The following NCAM1 variants were observed in gnomAD, a reference collection of about 807,000 sequenced individuals.
NCAM1 encodes antigen recognized by monoclonal antibody 5.1H11.
In NCAM1, 14 loss-of-function variants were observed where a neutral mutation model predicts 109.8. That is an observed-to-expected ratio of 0.13 (90% CI 0.08 to 0.20). NCAM1 has a LOEUF of 0.20. NCAM1 is among the 10% of genes least tolerant of loss of function. The probability of loss-of-function intolerance (pLI) is 1.00; values close to 1 mark genes in which losing one functional copy is unlikely to be tolerated. For synonymous variants in NCAM1, 418 were observed against 442.9 expected (o/e 0.94, Z 0.70); for missense variants, 774 against 1,109.9 (o/e 0.70, Z 4.30).
At chr11:113,244,178 A>G (rs1555119701) in intron 14 of NCAM1, among the ~76,000 whole-genome samples, 2 of 152,176 alleles carry the variant, frequency 1.3e-5, no homozygotes, top group African/African-American at 4.8e-5. Flanking sequence ...CAGTAGGAGA[A>G]AGCTACATAA....
rs782641265 is a variant in NCAM1 at position 113,204,301 on chromosome 11, A to C, written c.143A>C (p.Lys48Thr). ...FFLCQVAGDA[K>T]DKDISWFSPN... ...TCCTCTTTAGTGGCAGGAGATGCCAAAGATAAAGACATCTCCTGGTTCTCC... is the reference window on the plus strand; with the variant it reads ...TCCTCTTTAGTGGCAGGAGATGCCACAGATAAAGACATCTCCTGGTTCTCC... Residue 48 changes from lysine (K) to threonine (T), a missense_variant, in exon 3 of 20, where the codon AAA becomes ACA. Physicochemically the swap from Lys to Thr is moderately conservative, Grantham distance 78. Transcript: ENST00000316851. 1 of 1,612,052 alleles carries C rather than the reference A, an allele frequency of 6.2e-7. No homozygotes were observed. The highest frequency in any genetic ancestry group is 8.5e-7 in the Non-Finnish European group (1 of 1,179,084).
intron 1 of NCAM1, among the ~76,000 whole-genome samples, chr11:113,018,645 A>T (rs958945197): frequency 2.0e-5 from 3 of 152,138 alleles, no homozygotes; most frequent in African/African-American, 7.2e-5. Context: ...ATAAACTTGA[A>T]ATATTTGGCT....
At chr11:112,992,500 T>C (rs1277765110) in intron 1 of NCAM1, among the ~76,000 whole-genome samples, 1 of 151,264 alleles carries the variant, frequency 6.6e-6, no homozygotes, top group Non-Finnish European at 1.5e-5. Flanking sequence ...ACTCTTTTTT[T>C]TTCTTTTTTT....
intron 1 of NCAM1, among the ~76,000 whole-genome samples, chr11:113,095,312 A>ATGTGTGTGTG (rs1264157371): frequency 1.4e-5 from 2 of 140,148 alleles, no homozygotes; most frequent in African/African-American, 2.7e-5. Flanking sequence ...CTGTAATAGA[A>ATGTGTGTGTG]TGCGTGTGTG....
intron 1 of NCAM1, among the ~76,000 whole-genome samples, chr11:113,181,380 T>C (rs368916029): frequency 4.6e-5 from 7 of 152,260 alleles, no homozygotes; most frequent in African/African-American, 1.7e-4. Context: ...TGAGTGTCAG[T>C]AGGCTAACAA....
At chr11:113,140,554 A>C (rs560459824) in intron 1 of NCAM1, among the ~76,000 whole-genome samples, 1 of 152,152 alleles carries the variant, frequency 6.6e-6, no homozygotes, top group Admixed American at 6.5e-5. Flanking sequence ...TATAACATGC[A>C]TTGCTTCGGA....
chr11:113,205,550 C>G lies in NCAM1; in HGVS notation c.374C>G (p.Thr125Ser). The G allele has an allele frequency of 6.2e-7, 1 of 1,613,470 alleles. No homozygotes were observed. The highest frequency in any genetic ancestry group is 8.5e-7 in the Non-Finnish European group (1 of 1,179,666). Residue 125 changes from threonine to serine, a missense_variant, in exon 4 of 20, where the codon ACC becomes AGC. Thr to Ser is a moderately conservative substitution (Grantham distance 58). Transcript: ENST00000316851. ...AAGCTCATGTTCAAGAATGCGCCAACCCCACAGGAGTTCCGGGAGGGGGAA... is the reference window on the plus strand; with the variant it reads ...AAGCTCATGTTCAAGAATGCGCCAAGCCCACAGGAGTTCCGGGAGGGGGAA... ...FQKLMFKNAP[T>S]PQEFREGEDA...
intron 1 of NCAM1, among the ~76,000 whole-genome samples, chr11:113,134,615 T>G (rs146087114): frequency 5.5e-4 from 83 of 152,248 alleles, no homozygotes; most frequent in African/African-American, 1.8e-3. Context: ...GCTGTCAGGT[T>G]CCTATTCCCT....
intron 1 of NCAM1, among the ~76,000 whole-genome samples, chr11:113,033,490 C>T (rs550988769): frequency 6.6e-6 from 1 of 152,196 alleles, no homozygotes; most frequent in South Asian, 2.1e-4. Context: ...TACTTTTAAT[C>T]CTAAATTAGA....
At chr11:113,075,191 C>G (rs1938474433) in intron 1 of NCAM1, among the ~76,000 whole-genome samples, 1 of 152,036 alleles carries the variant, frequency 6.6e-6, no homozygotes, top group Non-Finnish European at 1.5e-5. Context: ...CTCAGCCTCC[C>G]CAGTAGCTGG....
At chr11:113,265,754 C>A (rs1481847461) in intron 17 of NCAM1, among the ~76,000 whole-genome samples, 3 of 152,186 alleles carry the variant, frequency 2.0e-5, no homozygotes, top group African/African-American at 7.2e-5. Flanking sequence ...TTCCAAGAGT[C>A]TGACCATCTT....
At chr11:113,050,933 C>T (rs532557580) in intron 1 of NCAM1, among the ~76,000 whole-genome samples, 8 of 152,164 alleles carry the variant, frequency 5.3e-5, no homozygotes, top group Admixed American at 2.0e-4. Flanking sequence ...CCATCTTATA[C>T]GCATGCTGTA....
chr11:113,237,107 C>G (rs1256180666), intron 14 of NCAM1, among the ~76,000 whole-genome samples: 1 of 152,154 alleles, frequency 6.6e-6, no homozygotes, highest in Non-Finnish European at 1.5e-5. Flanking sequence ...CACCCTTCAT[C>G]ATGTAAGCTG....
chr11:113,231,367 G>C, intron 9 of NCAM1: 3 of 1,384,994 alleles, frequency 2.2e-6, no homozygotes, highest in Non-Finnish European at 3.0e-6. Flanking sequence ...GGGGGACCTA[G>C]CCCCAAACCA....
At chr11:113,261,139 G>A (rs1477533726) in intron 17 of NCAM1, among the ~76,000 whole-genome samples, 1 of 152,094 alleles carries the variant, frequency 6.6e-6, no homozygotes, top group Non-Finnish European at 1.5e-5. Context: ...CTGTTGGGGG[G>A]CCCCATAGAC....
intron 15 of NCAM1, among the ~76,000 whole-genome samples, chr11:113,252,201 C>G (rs183975633): frequency 6.6e-6 from 1 of 152,180 alleles, no homozygotes; most frequent in Admixed American, 6.5e-5. Context: ...ATAGCTTGAG[C>G]CTAGAAGTTC....
At chr11:113,035,013 A>G (rs529582516) in intron 1 of NCAM1, among the ~76,000 whole-genome samples, 1 of 152,336 alleles carries the variant, frequency 6.6e-6, no homozygotes, top group South Asian at 2.1e-4. Flanking sequence ...AAGGCAATAT[A>G]ATAATACAAC....
rs1555103558 is a variant in NCAM1, at chr11:113,157,136, G to GACAGACACACACACAC, written c.53-45240_53-45239insGACACACACACACACA. 1.7e-3 allele frequency among the ~76,000 whole-genome samples: 252 copies of GACAGACACACACACAC among 146,970 alleles called. 2 individuals carry two copies. The highest frequency in any genetic ancestry group is 6.0e-3 in the African/African-American group (243 of 40,248). ...TTAAAGACAAAAGGTGTTTCCCTGA[G>GACAGACACACACACAC]ACACACACACACACACACACACACA... On this transcript the variant is annotated intron_variant, in intron 1 of 19. Coordinates refer to ENST00000316851, the MANE Select transcript of NCAM1 (RefSeq NM_181351.5).
At chr11:113,053,123 G>A (rs1555082064) in intron 1 of NCAM1, among the ~76,000 whole-genome samples, 1 of 152,118 alleles carries the variant, frequency 6.6e-6, no homozygotes, top group South Asian at 2.1e-4. Context: ...GCTCCCACTT[G>A]TTCAGCTCTC....
Sources: allele counts gnomAD v4.1 joint callset (sites outside exome capture counted in the v4.1 genomes callset), GRCh38; gene constraint gnomAD v4.1.1; transcripts MANE v1.5; gene names NCBI Gene and HGNC (gene_info 2026-07-23, HGNC 2026-07-21).